The following AP3B1 variants were observed in gnomAD, a reference collection of about 807,000 sequenced individuals.
AP3B1 encodes adaptor related protein complex 3 subunit beta 1.
Under a neutral mutation model 132.5 loss-of-function variants are expected in AP3B1, and 61 were observed. The ratio of observed to expected loss-of-function variants is 0.46; its 90% CI spans 0.37 to 0.57. The LOEUF (loss-of-function observed/expected upper bound fraction) is 0.57, where lower values mean the gene tolerates loss of function less well. AP3B1 is among the 20% of genes least tolerant of loss of function. The pLI, the probability that AP3B1 is intolerant of heterozygous loss-of-function variation, is 0.00. For synonymous variants in AP3B1, 388 were observed against 438.3 expected, an observed-to-expected ratio of 0.89 and a Z score of 1.43; for missense variants, 1,120 against 1,289.4, an observed-to-expected ratio of 0.87 and a Z score of 2.01.
At chr5:78,230,573 T>C (rs1746603276) in intron 3 of AP3B1, among the ~76,000 whole-genome samples, 1 of 152,204 alleles carries the variant, frequency 6.6e-6, no homozygotes, top group Admixed American at 6.5e-5. Flanking sequence ...CCTCCTTTCC[T>C]AGTCAAACAG....
At chr5:78,275,330 T>G (rs953732181) in intron 1 of AP3B1, among the ~76,000 whole-genome samples, 1 of 152,154 alleles carries the variant, frequency 6.6e-6, no homozygotes, top group African/African-American at 2.4e-5. Flanking sequence ...AAGCTGAAGA[T>G]CTGCTGCCTG....
At chr5:78,244,434 A>G (rs1747285956) in intron 2 of AP3B1, among the ~76,000 whole-genome samples, 1 of 150,992 alleles carries the variant, frequency 6.6e-6, no homozygotes, top group Non-Finnish European at 1.5e-5. Context: ...AAAAAAGAAG[A>G]AGGACTACAA....
intron 20 of AP3B1, among the ~76,000 whole-genome samples, chr5:78,105,550 T>TA (rs138162914): frequency 6.6e-6 from 1 of 151,370 alleles, no homozygotes; most frequent in African/African-American, 2.4e-5. Context: ...CTGTTTCATA[T>TA]AAAAAAAAAT....
chr5:78,285,621 G>A (rs1405540167), intron 1 of AP3B1, among the ~76,000 whole-genome samples: 5 of 151,784 alleles, frequency 3.3e-5, no homozygotes, highest in East Asian at 1.9e-4. Flanking sequence ...ATGCCTAATC[G>A]CATCTCAAAC....
At chr5:78,031,115 T>A (rs184559054) in intron 24 of AP3B1, among the ~76,000 whole-genome samples, 1 of 152,380 alleles carries the variant, frequency 6.6e-6, no homozygotes, top group Non-Finnish European at 1.5e-5. Context: ...TTGCTTTGTA[T>A]TCTAGTTGAT....
chr5:78,043,491 CTT>C (rs1748187137), intron 22 of AP3B1: 1 of 244,886 alleles, frequency 4.1e-6, no homozygotes, highest in Admixed American at 5.0e-5. Context: ...TTTCTCCTCT[CTT>C]TCCTTCTCCA....
At chr5:78,142,555 T>A (rs986277617) in intron 14 of AP3B1, among the ~76,000 whole-genome samples, 1 of 152,162 alleles carries the variant, frequency 6.6e-6, no homozygotes, top group Non-Finnish European at 1.5e-5. Context: ...AATAAGGACC[T>A]TTCCATAGCT....
rs187115356 is a variant in AP3B1, at chr5:78,175,675, T to C, written c.1118A>G (p.Lys373Arg). Residue 373 changes from lysine to arginine, a missense_variant, in exon 11 of 27, where the codon AAG (lysine) becomes AGG (arginine). Coordinates refer to ENST00000255194, the MANE Select transcript of AP3B1 (RefSeq NM_003664.5). ...ATCAGTTGACCTAACATAGAAACTC[T>C]TCAGATAAGGTTCAAACATCCCCTG... ...QRKGMFEPYLKSFYVRSTDPT... is the reference protein window; with the variant it reads ...QRKGMFEPYLRSFYVRSTDPT... The C allele has an allele frequency of 6.2e-7, 1 of 1,613,382 alleles. No homozygotes were observed. The highest frequency in any genetic ancestry group is 1.3e-5 in the African/African-American group (1 of 74,884).
At chr5:78,198,889 T>C (rs927991985) in intron 7 of AP3B1, among the ~76,000 whole-genome samples, 2 of 152,234 alleles carry the variant, frequency 1.3e-5, no homozygotes, top group East Asian at 1.9e-4. Flanking sequence ...TTTAATTTAG[T>C]ATTTTTCACA....
At chr5:78,231,924 A>C (rs972587206) in intron 3 of AP3B1, among the ~76,000 whole-genome samples, 2 of 152,238 alleles carry the variant, frequency 1.3e-5, no homozygotes, top group African/African-American at 4.8e-5. Flanking sequence ...GTATCTATTA[A>C]ATAGAAGAAC....
In AP3B1 at chr5:78,015,501, G is replaced by A. The variant is rs772075926; in HGVS notation, c.3040C>T (p.Pro1014Ser). Residue 1014 changes from proline to serine, a missense_variant, in exon 26 of 27, where the codon CCA becomes TCA. By Grantham distance (74) the Pro-to-Ser change is moderately conservative (BLOSUM62 -1). Around this residue, in one of 3 missense-constraint regions of AP3B1, gnomAD observed 906 missense variants for 997.1 expected, o/e 0.91. Coordinates refer to ENST00000255194, the MANE Select transcript of AP3B1 (RefSeq NM_003664.5). ...NETSAVIIAA[P>S]QNFTPSVIFQ... The stretch of plus-strand genomic sequence containing the variant: ...ATCACAGAGGGAGTGAAATTCTGTG[G>A]TGCAGCAATGATTACAGCAGAAGTT... 1 of 1,613,180 alleles carries A rather than the reference G, an allele frequency of 6.2e-7. No individual in the cohort carries two copies. The highest frequency in any genetic ancestry group is 1.7e-5 in the Admixed American group (1 of 60,008).
chr5:78,239,570 T>C (rs1352549522), intron 3 of AP3B1, among the ~76,000 whole-genome samples: 1 of 150,938 alleles, frequency 6.6e-6, no homozygotes, highest in Non-Finnish European at 1.5e-5. Flanking sequence ...GCTCAGGAGT[T>C]CAAGACCAGC....
intron 17 of AP3B1, among the ~76,000 whole-genome samples, chr5:78,116,518 G>C (rs976221388): frequency 1.3e-5 from 2 of 150,966 alleles, no homozygotes; most frequent in African/African-American, 4.9e-5. Flanking sequence ...TTAAACAAAA[G>C]TAATATATCC....
intron 6 of AP3B1, among the ~76,000 whole-genome samples, chr5:78,224,631 A>G (rs1746328441): frequency 6.6e-6 from 1 of 152,062 alleles, no homozygotes; most frequent in Non-Finnish European, 1.5e-5. Context: ...ATGCAAAAAT[A>G]TAAACAGGCT....
intron 8 of AP3B1, among the ~76,000 whole-genome samples, chr5:78,181,077 T>C (rs771124348): frequency 6.6e-6 from 1 of 152,068 alleles, no homozygotes; most frequent in Non-Finnish European, 1.5e-5. Context: ...TATGGACTAA[T>C]ACCAGATCAA....
chr5:78,031,827 T>G (rs571868373), intron 24 of AP3B1, among the ~76,000 whole-genome samples: 1 of 152,336 alleles, frequency 6.6e-6, no homozygotes, highest in African/African-American at 2.4e-5. Flanking sequence ...TGTTCTTATA[T>G]TTTCAGTGTT....
chr5:78,160,155 T>C (rs1448203151), intron 13 of AP3B1, among the ~76,000 whole-genome samples: 2 of 152,216 alleles, frequency 1.3e-5, no homozygotes, highest in African/African-American at 4.8e-5. Context: ...CTATTAGCTC[T>C]ATAAAGATAG....
At chr5:78,145,207 C>T (rs531441649) in intron 14 of AP3B1, among the ~76,000 whole-genome samples, 2 of 152,276 alleles carry the variant, frequency 1.3e-5, no homozygotes, top group South Asian at 4.1e-4. Context: ...CCAATTAAAA[C>T]AAAGCCCTCA....
chr5:78,168,681 G>A (rs2112385446), intron 11 of AP3B1, among the ~76,000 whole-genome samples: 1 of 152,206 alleles, frequency 6.6e-6, no homozygotes, highest in East Asian at 1.9e-4. Context: ...TATAAACAAG[G>A]ACATGTTCCA....
Sources: allele counts gnomAD v4.1 joint callset (sites outside exome capture counted in the v4.1 genomes callset), GRCh38; gene constraint gnomAD v4.1.1; regional missense constraint gnomAD v4.1.1; transcripts MANE v1.5; gene names NCBI Gene and HGNC (gene_info 2026-07-23, HGNC 2026-07-21).